The following ACSL6 variants were observed in gnomAD, a reference collection of about 807,000 sequenced individuals.
ACSL6 encodes long-chain-fatty-acid--CoA ligase 6.
A neutral mutation model predicts 98.2 loss-of-function variants in ACSL6; 47 were observed. The observed-to-expected ratio is 0.48, with a 90% CI of 0.38 to 0.61. The LOEUF (loss-of-function observed/expected upper bound fraction) is 0.61, where lower values mean the gene tolerates loss of function less well. ACSL6 is among the 20% of genes least tolerant of loss of function. The probability of loss-of-function intolerance (pLI) is 0.00; values close to 1 mark genes in which losing one functional copy is unlikely to be tolerated. For missense variants in ACSL6, 761 were observed against 913.4 expected, an observed-to-expected ratio of 0.83 and a Z score of 2.15; for synonymous variants, 362 against 336.9, an observed-to-expected ratio of 1.07 and a Z score of -0.82.
intron 1 of ACSL6, among the ~76,000 whole-genome samples, chr5:132,010,281 C>CA (rs993569825): frequency 4.6e-5 from 7 of 152,166 alleles, no homozygotes; most frequent in Admixed American, 3.3e-4. Flanking sequence ...TTACTAGGCC[C>CA]ACCAACCCTC....
chr5:131,968,171 T>TA, intron 15 of ACSL6, 143 bp from the exon 16 acceptor site: 1 of 646,304 alleles, frequency 1.5e-6, no homozygotes, highest in Admixed American at 2.7e-5. Context: ...GGGCATTTGT[T>TA]ACTGCAAGTG....
At chr5:132,009,321 G>A (rs942220280) in intron 1 of ACSL6, among the ~76,000 whole-genome samples, 1 of 152,232 alleles carries the variant, frequency 6.6e-6, no homozygotes, top group Non-Finnish European at 1.5e-5. Context: ...ACTAAAGAGA[G>A]ACATTGCCTC....
intron 9 of ACSL6, chr5:131,982,492 AG>A (rs1753959213): frequency 6.6e-6 from 1 of 152,350 alleles, no homozygotes; most frequent in Non-Finnish European, 1.5e-5. Flanking sequence ...GACATCCTCC[AG>A]TTACAACTTA....
At chr5:131,957,740 T>C (rs144613435) in intron 20 of ACSL6, among the ~76,000 whole-genome samples, 123 of 152,314 alleles carry the variant, frequency 8.1e-4, no homozygotes, top group African/African-American at 2.9e-3. Context: ...CAATGGATTA[T>C]GGATTAACTG....
intron 9 of ACSL6, among the ~76,000 whole-genome samples, chr5:131,978,947 C>T (rs994488630): frequency 1.3e-5 from 2 of 152,078 alleles, no homozygotes; most frequent in Non-Finnish European, 2.9e-5. Flanking sequence ...GCACTTCCAC[C>T]CATATTGCAA....
At chr5:132,011,698 CCCG>C, upstream of ACSL6, 1 of 1,270,868 alleles carries the variant, frequency 7.9e-7, no homozygotes, top group Non-Finnish European at 9.9e-7. This position sits in a 1 kb window ranked among gnomAD's most constrained non-coding sequence, Gnocchi z 5.4. Flanking sequence ...CCCCGCAGCT[CCCG>C]CCTCCCCGCG....
At chr5:131,961,158 G>C (rs1374439726) in intron 18 of ACSL6, among the ~76,000 whole-genome samples, 1 of 151,932 alleles carries the variant, frequency 6.6e-6, no homozygotes, top group Admixed American at 6.6e-5. Context: ...CCGAGTAGCT[G>C]GGACTACAGG....
chr5:131,995,735 C>T (rs1754764138), intron 1 of ACSL6, among the ~76,000 whole-genome samples: 1 of 152,186 alleles, frequency 6.6e-6, no homozygotes, highest in Admixed American at 6.5e-5. Context: ...TGCAGAGACA[C>T]ACAAAAAGCC....
intron 1 of ACSL6, among the ~76,000 whole-genome samples, chr5:132,007,226 C>T (rs547335041): frequency 5.9e-5 from 9 of 152,148 alleles, no homozygotes; most frequent in African/African-American, 1.9e-4. Context: ...TTGACATAAC[C>T]GCTGCACAGA....
rs753644715 is a variant in ACSL6, at chr5:131,972,839, G to A, written c.1223C>T (p.Thr408Ile). Reference protein sequence around the residue: ...MYDKIFSQANTPLKRWLLEFA... With the variant: ...MYDKIFSQANIPLKRWLLEFA... The stretch of plus-strand genomic sequence containing the variant: ...CTCCAGGAGCCAGCGCTTTAATGGT[G>A]TGTTTGCCTGGCTGAAGATCTGAGG... Residue 408 changes from threonine (T) to isoleucine (I), a missense_variant, in exon 13 of 21, where the codon ACA (threonine) becomes ATA (isoleucine). Thr to Ile is a moderately conservative substitution (Grantham distance 89, BLOSUM62 -1). Transcript: ENST00000651883. 1 of 1,614,204 alleles carries A rather than the reference G, an allele frequency of 6.2e-7. No homozygotes were observed. The highest frequency in any genetic ancestry group is 8.5e-7 in the Non-Finnish European group (1 of 1,180,034).
intron 1 of ACSL6, among the ~76,000 whole-genome samples, chr5:131,995,225 G>A (rs1198622184): frequency 6.6e-6 from 1 of 152,166 alleles, no homozygotes; most frequent in Non-Finnish European, 1.5e-5. Flanking sequence ...GAGAATGGCT[G>A]AAAGAGAAGC....
chr5:131,951,995 AT>A lies in ACSL6; in HGVS notation c.*2238del, dbSNP rs1344137920. The A allele has an allele frequency of 5.6e-6, 1 of 178,216 alleles. No individual in the cohort carries two copies. The highest frequency in any genetic ancestry group is 6.3e-5 in the Admixed American group (1 of 15,838). The allele number at this position is 178,216 out of a possible 1,614,324, so 11.0% of individuals were successfully genotyped here. Reference sequence around the variant, plus strand: ...ACTTGTTTCTGTCACATTGTTCAAAATTCTTTTGGGCTTAAAGCCAACTATG... The same window carrying A: ...ACTTGTTTCTGTCACATTGTTCAAAATCTTTTGGGCTTAAAGCCAACTATG... On this transcript the variant is annotated 3_prime_UTR_variant, in exon 21 of 21. Transcript: ENST00000651883.
At chr5:131,982,092 G>C (rs1475260244) in intron 9 of ACSL6, 1 of 143,454 alleles carries the variant, frequency 7.0e-6, no homozygotes, top group East Asian at 2.1e-4. Context: ...TCCTGACCTT[G>C]TGATCTACCC....
In ACSL6 at chr5:131,994,055, G is replaced by T. The variant is rs1356620965; in HGVS notation, c.246C>A (p.Leu82=). The T allele has an allele frequency of 1.9e-6, 3 of 1,614,026 alleles. No homozygotes were observed. The Admixed American group carries it at 5.0e-5, about 27-fold the overall frequency. ...RPKALQPPCN[L]LMQSEEVEDS... ...CCTCTACTTCTTCTGACTGCATCAG[G>T]AGGTTGCATGGCGGCTGCAAGGCCT... is the stretch of plus-strand genomic sequence containing the variant. Residue 82 remains leucine, a synonymous_variant, in exon 2 of 21, where the codon CTC becomes CTA. Transcript: ENST00000651883.
chr5:131,982,652 C>A (rs1753967344), intron 9 of ACSL6: 1 of 152,322 alleles, frequency 6.6e-6, no homozygotes, highest in Non-Finnish European at 1.5e-5. Context: ...CTCAAAACTC[C>A]CTCAAAGCAG....
At chr5:131,966,346 C>T in intron 17 of ACSL6, 70 bp downstream of exon 17, 1 of 1,469,310 alleles carries the variant, frequency 6.8e-7, no homozygotes, top group East Asian at 2.3e-5. Flanking sequence ...AGACTCCTGC[C>T]TCAGTGACCC....
At chr5:131,985,587 C>T (rs916212929) in intron 8 of ACSL6, 129 bp from the exon 9 acceptor site, 58 of 893,954 alleles carry the variant, frequency 6.5e-5, no homozygotes, top group Middle Eastern at 3.3e-4. Flanking sequence ...GTGTTGGGCA[C>T]GCCTGCATGC....
chr5:131,997,880 G>A (rs934186484), intron 1 of ACSL6, among the ~76,000 whole-genome samples: 3 of 152,214 alleles, frequency 2.0e-5, no homozygotes, highest in Non-Finnish European at 2.9e-5. Flanking sequence ...AACTGCTTGC[G>A]TTTACACTGA....
intron 8 of ACSL6, 79 bp downstream of exon 8, chr5:131,986,743 G>T: frequency 6.5e-7 from 1 of 1,541,960 alleles, no homozygotes. Context: ...GTGCTGTTCT[G>T]TGCACAGTGA....
Sources: allele counts gnomAD v4.1 joint callset (sites outside exome capture counted in the v4.1 genomes callset), GRCh38; gene constraint gnomAD v4.1.1; non-coding constraint Gnocchi (gnomAD v3.1); transcripts MANE v1.5; gene names NCBI Gene and HGNC (gene_info 2026-07-23, HGNC 2026-07-21).